Variants in OPCML observed in about 807,000 individuals in gnomAD.
OPCML encodes the protein opioid binding protein/cell adhesion molecule like.
A neutral mutation model predicts 37.8 loss-of-function variants in OPCML; 13 were observed. That is an observed-to-expected ratio of 0.34 (90% CI 0.22 to 0.55). The LOEUF (loss-of-function observed/expected upper bound fraction) is 0.55, where lower values mean the gene tolerates loss of function less well. OPCML is among the 20% of genes least tolerant of loss of function. The pLI is 0.91. For synonymous variants in OPCML, 176 were observed against 168.8 expected, an observed-to-expected ratio of 1.04 and a Z score of -0.33; for missense variants, 341 against 435.6, an observed-to-expected ratio of 0.78 and a Z score of 1.93.
intron 1 of OPCML, among the ~76,000 whole-genome samples, chr11:133,140,913 A>T (rs1218701468): frequency 6.2e-5 from 1 of 16,090 alleles, no homozygotes; most frequent in African/African-American, 1.4e-4. Flanking sequence ...ACGACGAAGA[A>T]GAAGAAGACG....
intron 1 of OPCML, among the ~76,000 whole-genome samples, chr11:133,254,445 C>G (rs1444732333): frequency 6.6e-6 from 1 of 152,132 alleles, no homozygotes; most frequent in African/African-American, 2.4e-5. Context: ...GGTACCACAC[C>G]AAGGATTTTA....
At chr11:132,500,184 C>T (rs1175798150) in intron 4 of OPCML, among the ~76,000 whole-genome samples, 2 of 152,164 alleles carry the variant, frequency 1.3e-5, no homozygotes, top group South Asian at 2.1e-4. Context: ...TGTCTTGTCT[C>T]GGTCTTATCA....
chr11:132,998,011 C>G (rs1049949956), intron 1 of OPCML, among the ~76,000 whole-genome samples: 2 of 152,066 alleles, frequency 1.3e-5, no homozygotes, highest in East Asian at 1.9e-4. Flanking sequence ...CTTTCTCTTG[C>G]TAACCTGTCA....
At chr11:133,197,953 C>T (rs1938602457) in intron 1 of OPCML, among the ~76,000 whole-genome samples, 1 of 152,156 alleles carries the variant, frequency 6.6e-6, no homozygotes, top group South Asian at 2.1e-4. Flanking sequence ...CAGGAGGCTT[C>T]ACTGCACAAC....
At chr11:132,585,879 T>A (rs546351673) in intron 3 of OPCML, among the ~76,000 whole-genome samples, 28 of 152,322 alleles carry the variant, frequency 1.8e-4, no homozygotes, top group African/African-American at 5.8e-4. Flanking sequence ...TAGAAATTCC[T>A]TCATTCCTTC....
chr11:132,882,360 G>A (rs1247592705), intron 2 of OPCML, among the ~76,000 whole-genome samples: 1 of 152,244 alleles, frequency 6.6e-6, no homozygotes, highest in Non-Finnish European at 1.5e-5. Flanking sequence ...TATCATGCTG[G>A]GAATAAACAG....
chr11:132,790,847 A>C (rs1937859911), intron 2 of OPCML, among the ~76,000 whole-genome samples: 2 of 152,348 alleles, frequency 1.3e-5, no homozygotes, highest in South Asian at 4.1e-4. Context: ...TAAGAACAAT[A>C]TCATCCACCA....
At chr11:132,746,112 AC>A in intron 2 of OPCML, among the ~76,000 whole-genome samples, 1 of 150,616 alleles carries the variant, frequency 6.6e-6, no homozygotes, top group East Asian at 2.0e-4. Flanking sequence ...TTTTTTTTTA[AC>A]TAACAGAAAA....
intron 1 of OPCML, among the ~76,000 whole-genome samples, chr11:133,458,884 C>CAT (rs144632409): frequency 0.17 from 22,514 of 134,850 alleles, 6,822 homozygotes; most frequent in African/African-American, 0.62. Flanking sequence ...CATACACACA[C>CAT]ATGTGTGTGT....
At chr11:132,584,482 G>T (rs1363208042) in intron 3 of OPCML, among the ~76,000 whole-genome samples, 5 of 152,070 alleles carry the variant, frequency 3.3e-5, no homozygotes, top group African/African-American at 1.2e-4. Flanking sequence ...AGTGATCAAT[G>T]AGTTAATACT....
chr11:132,825,991 T>C (rs567158186), intron 2 of OPCML, among the ~76,000 whole-genome samples: 4 of 152,314 alleles, frequency 2.6e-5, no homozygotes, highest in African/African-American at 9.6e-5. Context: ...CAGGGTTTTG[T>C]ATGCTTTTCC....
At chr11:132,994,244 G>C (rs1183963399) in intron 1 of OPCML, among the ~76,000 whole-genome samples, 3 of 152,176 alleles carry the variant, frequency 2.0e-5, no homozygotes, top group African/African-American at 4.8e-5. Context: ...CGGCGCGCGC[G>C]GGAGCACGTC....
At chr11:132,594,495 A>C (rs1174553176) in intron 3 of OPCML, among the ~76,000 whole-genome samples, 1 of 152,212 alleles carries the variant, frequency 6.6e-6, no homozygotes, top group Non-Finnish European at 1.5e-5. Context: ...ATGCTTTTAT[A>C]ATTTTAAAAT....
intron 1 of OPCML, among the ~76,000 whole-genome samples, chr11:133,237,798 T>C (rs1452480768): frequency 6.6e-6 from 1 of 152,178 alleles, no homozygotes; most frequent in Non-Finnish European, 1.5e-5. Flanking sequence ...AGGAAATTCA[T>C]CTACCAACCC....
At chr11:132,818,660 A>ATATATATATAT (rs56858242) in intron 2 of OPCML, among the ~76,000 whole-genome samples, 6,889 of 115,512 alleles carry the variant, frequency 0.06, 596 homozygotes, top group African/African-American at 0.16. Flanking sequence ...ATATATATAT[A>ATATATATATAT]GACAGATTAT....
intron 2 of OPCML, among the ~76,000 whole-genome samples, chr11:132,883,550 C>T (rs2136436112): frequency 6.6e-6 from 1 of 152,254 alleles, no homozygotes; most frequent in Admixed American, 6.5e-5. Context: ...ATTTGGAAGA[C>T]TGTCTTATGA....
At chr11:133,286,743 G>A (rs1008909733) in intron 1 of OPCML, among the ~76,000 whole-genome samples, 4 of 151,990 alleles carry the variant, frequency 2.6e-5, no homozygotes, top group African/African-American at 9.7e-5. Context: ...CAGATAAAAC[G>A]AACCTAAGCA....
intron 1 of OPCML, chr11:133,118,506 G>A (rs534359454): frequency 2.5e-5 from 19 of 747,184 alleles, no homozygotes; most frequent in Non-Finnish European, 2.8e-5. Flanking sequence ...ACAGGATGGA[G>A]AGAATTGCTC....
At chr11:133,529,127 A>T (rs1948549051) in intron 1 of OPCML, among the ~76,000 whole-genome samples, 1 of 152,184 alleles carries the variant, frequency 6.6e-6, no homozygotes, top group Non-Finnish European at 1.5e-5. Flanking sequence ...ATACTCAAAT[A>T]CTCAAATACT....
Sources: gnomAD v4.1 joint callset for allele counts (sites outside exome capture counted in the v4.1 genomes callset) on GRCh38, gnomAD v4.1.1 for gene constraint, MANE v1.5 for transcripts, NCBI Gene and HGNC (gene_info 2026-07-23, HGNC 2026-07-21) for gene names.